The following TTC34 variants were observed in gnomAD, a reference collection of about 807,000 sequenced individuals.
TTC34 encodes tetratricopeptide repeat domain 34.
Under a neutral mutation model 40.7 loss-of-function variants are expected in TTC34, and 44 were observed. The observed-to-expected ratio is 1.08, with a 90% CI of 0.85 to 1.39. The LOEUF (loss-of-function observed/expected upper bound fraction) is 1.39. Among genes scored for constraint, TTC34 ranks in the 40% most tolerant of loss-of-function variants. TTC34 has a pLI of 0.00. For synonymous variants in TTC34, 422 were observed against 398.6 expected, an observed-to-expected ratio of 1.06 and a Z score of -0.70; for missense variants, 884 against 838.0, an observed-to-expected ratio of 1.05 and a Z score of -0.68.
At chr1:2,800,463 A>C (rs1015473304) in exon 2 of TTC34, 2 of 398,406 alleles carry the variant, frequency 5.0e-6, no homozygotes, top group African/African-American at 4.1e-5. Flanking sequence ...GCAGCGTTGC[A>C]CCACTTCTTC....
At chr1:2,652,408 C>G (rs1419157086) in intron 6 of TTC34, among the ~76,000 whole-genome samples, 1,049 of 138,060 alleles carry the variant, frequency 7.6e-3, no homozygotes, top group African/African-American at 0.015. Context: ...ACGCACACCC[C>G]CAGTGAGCAT....
chr1:2,693,328 C>A lies in TTC34; in HGVS notation c.2227-47765G>T, dbSNP rs1219964677. On this transcript the variant is annotated intron_variant, in intron 6 of 8. Coordinates refer to ENST00000401095, the Ensembl canonical transcript of TTC34. ...CATGCCCAGGTGAGCCTCTGACAGC[C>A]TGGAACAGCACGCACACCCCCAGGT... Among the ~76,000 whole-genome samples, 675 of 90,624 alleles carry A rather than the reference C, an allele frequency of 7.4e-3. 1 individual carries two copies. The highest frequency in any genetic ancestry group is 0.012 in the Non-Finnish European group (454 of 38,498). 59.5% of individuals were successfully genotyped at this position (90,624 alleles called of 152,430 possible).
rs367978001 is a variant in TTC34 at position 2,686,613 on chromosome 1, C to A, written c.2227-41050G>T. ...AACAGCACACACACCCCCAGGCGAGCATCTGACAGCATGTAACAGCACCCA... is the reference window on the plus strand; with the variant it reads ...AACAGCACACACACCCCCAGGCGAGAATCTGACAGCATGTAACAGCACCCA... On this transcript the variant is annotated intron_variant, in intron 6 of 8. Coordinates refer to ENST00000401095, the Ensembl canonical transcript of TTC34. 1.3e-4 allele frequency among the ~76,000 whole-genome samples: 19 copies of A among 151,270 alleles called. 1 individual carries two copies. The highest frequency in any genetic ancestry group is 4.4e-4 in the African/African-American group (18 of 40,900).
chr1:2,788,859 G>A (rs1444173224), intron 3 of TTC34, among the ~76,000 whole-genome samples: 3 of 152,122 alleles, frequency 2.0e-5, no homozygotes, highest in Non-Finnish European at 4.4e-5. Flanking sequence ...TGGGAGGCCC[G>A]GGTGGGAGGA....
intron 6 of TTC34, among the ~76,000 whole-genome samples, chr1:2,750,764 T>C (rs1236305553): frequency 0.056 from 344 of 6,102 alleles, 2 homozygotes; most frequent in African/African-American, 0.13. Flanking sequence ...GCAGCACGCA[T>C]AAACACAGGT....
chr1:2,753,761 T>A (rs1641406994), intron 6 of TTC34, among the ~76,000 whole-genome samples: 1 of 98,490 alleles, frequency 1.0e-5, no homozygotes, highest in Non-Finnish European at 1.9e-5. Context: ...TCTGACAGCC[T>A]GGAACGGCAC....
chr1:2,779,565 CA>C (rs1412799428), intron 6 of TTC34, among the ~76,000 whole-genome samples: 1 of 152,148 alleles, frequency 6.6e-6, no homozygotes, highest in Admixed American at 6.5e-5. Flanking sequence ...CCTCGTGATC[CA>C]CCCTCCTTGG....
chr1:2,677,867 A>C (rs796169814), intron 6 of TTC34, among the ~76,000 whole-genome samples: 2 of 7,954 alleles, frequency 2.5e-4, no homozygotes, highest in Admixed American at 1.5e-3. Context: ...GGTGAGCATC[A>C]GACAGCCTGG....
intron 6 of TTC34, among the ~76,000 whole-genome samples, chr1:2,773,097 C>T (rs796892436): frequency 7.4e-6 from 1 of 135,308 alleles, no homozygotes; most frequent in African/African-American, 2.7e-5. Flanking sequence ...AGCACCCACA[C>T]CCCCAGGCGA....
intron 6 of TTC34, among the ~76,000 whole-genome samples, chr1:2,699,797 C>G (rs1373739823): frequency 9.0e-5 from 4 of 44,448 alleles, no homozygotes; most frequent in South Asian, 1.1e-3. Flanking sequence ...CGGACATCCT[C>G]GAGCATCACA....
At chr1:2,758,366 G>T (rs1472574926) in intron 6 of TTC34, among the ~76,000 whole-genome samples, 1 of 74,938 alleles carries the variant, frequency 1.3e-5, no homozygotes, top group Non-Finnish European at 2.3e-5. Flanking sequence ...CCCAAGGAGA[G>T]CATCTGACAG....
Position 2,645,587 on chromosome 1 carries a change from G to GGGGGGGGGGGGGCCCCC in TTC34, c.2227-25_2227-24insGGGGGCCCCCCCCCCCC. 1 of 229,526 alleles carries GGGGGGGGGGGGGCCCCC rather than the reference G, an allele frequency of 4.4e-6. No individual in the cohort carries two copies. The highest frequency in any genetic ancestry group is 8.6e-6 in the Non-Finnish European group (1 of 116,448). 14.2% of individuals were successfully genotyped at this position (229,526 alleles called of 1,614,324 possible). ...TCCTGCAAGGAGGGAGGGCGGGCGG[G>GGGGGGGGGGGGGCCCCC]TGCAGAGTTGTCCTAAGTAGAGAAA... On this transcript the variant is annotated intron_variant, in intron 6 of 8. Coordinates refer to ENST00000401095, the Ensembl canonical transcript of TTC34. This position sits in a 1 kb window ranked among gnomAD's most constrained non-coding sequence, Gnocchi z 4.7.
intron 6 of TTC34, among the ~76,000 whole-genome samples, chr1:2,652,521 AC>A (rs1639181667): frequency 2.0e-4 from 2 of 9,978 alleles, no homozygotes; most frequent in South Asian, 2.6e-3. Context: ...AACAGCACCC[AC>A]ACCTCCAGGC....
At chr1:2,644,136 C>G (rs1638969842) in intron 8 of TTC34, 128 bp downstream of exon 8, 3 of 1,061,180 alleles carry the variant, frequency 2.8e-6, no homozygotes, top group East Asian at 2.6e-5. Context: ...CCACCCCACC[C>G]CAAACCTAAC....
At chr1:2,684,856 C>A (rs1320100748) in intron 6 of TTC34, among the ~76,000 whole-genome samples, 1 of 116,164 alleles carries the variant, frequency 8.6e-6, no homozygotes, top group East Asian at 2.8e-4. Context: ...GAGCATCTGA[C>A]AGCCTGGAGC....
chr1:2,756,849 CT>C (rs1641523573), intron 6 of TTC34, among the ~76,000 whole-genome samples: 1 of 152,002 alleles, frequency 6.6e-6, no homozygotes, highest in African/African-American at 2.4e-5. Flanking sequence ...ATCTGACAGC[CT>C]GGGTCGGCAC....
intron 8 of TTC34, among the ~76,000 whole-genome samples, chr1:2,643,534 A>AC (rs1356363702): frequency 6.8e-6 from 1 of 147,516 alleles, no homozygotes; most frequent in Non-Finnish European, 1.5e-5. Flanking sequence ...CCCAGCACAG[A>AC]CCCCTCCTCC....
At chr1:2,687,190 G>A (rs546428975) in intron 6 of TTC34, among the ~76,000 whole-genome samples, 1 of 144,652 alleles carries the variant, frequency 6.9e-6, no homozygotes, top group Admixed American at 6.7e-5. Context: ...TGAACCCACG[G>A]AGCAGCACCC....
chr1:2,758,887 GCAGCTGACCGCCTGGAACAT>G (rs1641597594), intron 6 of TTC34, among the ~76,000 whole-genome samples: 1 of 38,570 alleles, frequency 2.6e-5, no homozygotes, highest in Non-Finnish European at 4.1e-5. Flanking sequence ...CCCCAGGTGA[GCAGCTGACCGCCTGGAACAT>G]CACCCACACC....
Sources: allele counts gnomAD v4.1 joint callset (sites outside exome capture counted in the v4.1 genomes callset), GRCh38; gene constraint gnomAD v4.1.1; non-coding constraint Gnocchi (gnomAD v3.1); transcripts MANE v1.5; gene names NCBI Gene and HGNC (gene_info 2026-07-23, HGNC 2026-07-21).